The following JAK1 variants were observed in gnomAD, a reference collection of about 807,000 sequenced individuals.
The protein encoded by JAK1 is Janus kinase 1.
A neutral mutation model predicts 136.6 loss-of-function variants in JAK1; 16 were observed. The ratio of observed to expected loss-of-function variants is 0.12; its 90% CI spans 0.08 to 0.18. The LOEUF is 0.18. Among genes scored for constraint, JAK1 ranks in the 10% least tolerant of loss-of-function variants. The probability of loss-of-function intolerance (pLI) is 1.00; values close to 1 mark genes in which losing one functional copy is unlikely to be tolerated. For missense variants in JAK1, 859 were observed against 1,450.1 expected, an observed-to-expected ratio of 0.59 and a Z score of 6.62; for synonymous variants, 492 against 519.5, an observed-to-expected ratio of 0.95 and a Z score of 0.72.
chr1:64,950,158 C>T (rs995728129), intron 1 of JAK1, among the ~76,000 whole-genome samples: 1 of 151,916 alleles, frequency 6.6e-6, no homozygotes, highest in African/African-American at 2.4e-5. Context: ...ACCTGCAATC[C>T]CAGCACTTTG....
chr1:64,922,163 A>C (rs1205666598), intron 1 of JAK1, among the ~76,000 whole-genome samples: 4 of 152,008 alleles, frequency 2.6e-5, no homozygotes, highest in East Asian at 1.9e-4. Context: ...AAAAAACCAC[A>C]ACAACAACAC....
At chr1:64,901,262 T>C (rs895376128) in intron 1 of JAK1, among the ~76,000 whole-genome samples, 1 of 152,202 alleles carries the variant, frequency 6.6e-6, no homozygotes, top group Admixed American at 6.5e-5. Flanking sequence ...ACTCACCTAA[T>C]CCATGCAGAC....
At chr1:65,067,090 C>A (rs922241050) in intron 1 of JAK1, among the ~76,000 whole-genome samples, 1 of 152,138 alleles carries the variant, frequency 6.6e-6, no homozygotes, top group African/African-American at 2.4e-5. Context: ...CTAACAACAA[C>A]AAACCCAGTC....
intron 1 of JAK1, among the ~76,000 whole-genome samples, chr1:64,896,440 T>C (rs1203522759): frequency 6.6e-6 from 1 of 152,122 alleles, no homozygotes; most frequent in Non-Finnish European, 1.5e-5. Flanking sequence ...AATAAAAGCA[T>C]AGAAAAAGAA....
chr1:64,861,039 C>T (rs1656301891), intron 8 of JAK1, among the ~76,000 whole-genome samples: 1 of 151,200 alleles, frequency 6.6e-6, no homozygotes, highest in East Asian at 1.9e-4. Flanking sequence ...GAGAAGCTGT[C>T]CCCTGGGTCC....
chr1:64,848,309 T>C (rs1655371066), intron 12 of JAK1, among the ~76,000 whole-genome samples: 1 of 152,234 alleles, frequency 6.6e-6, no homozygotes. Flanking sequence ...TGAAGCCCTC[T>C]GGCACAGGTA....
At chr1:65,010,607 CTG>C (rs1433986541) in intron 2 of JAK1, among the ~76,000 whole-genome samples, 1 of 152,194 alleles carries the variant, frequency 6.6e-6, no homozygotes, top group Admixed American at 6.5e-5. Context: ...AAAATAATAA[CTG>C]TTCATTGTTG....
chr1:64,871,881 G>T (rs576891830), intron 5 of JAK1, among the ~76,000 whole-genome samples: 2 of 152,310 alleles, frequency 1.3e-5, no homozygotes, highest in Non-Finnish European at 2.9e-5. Flanking sequence ...CGTGTAACAA[G>T]AATCATCGAC....
At chr1:65,002,048 A>AC (rs1478465151) in intron 2 of JAK1, among the ~76,000 whole-genome samples, 1 of 152,046 alleles carries the variant, frequency 6.6e-6, no homozygotes, top group African/African-American at 2.4e-5. Context: ...TCATCTTCCA[A>AC]CTACTCCTTA....
chr1:64,927,925 T>C (rs1338265209), intron 1 of JAK1, among the ~76,000 whole-genome samples: 2 of 152,150 alleles, frequency 1.3e-5, no homozygotes, highest in African/African-American at 4.8e-5. Context: ...AATCTGCCTT[T>C]TACTAGCCAG....
rs1557657909 is a variant in JAK1, at chr1:64,878,569, A to ATG, written c.329+455_329+456insCA. 0.018 allele frequency among the ~76,000 whole-genome samples: 563 copies of ATG among 30,890 alleles called. 23 individuals carry two copies. In the East Asian group the frequency reaches 0.27, roughly 15 times the overall value. 20.3% of individuals were successfully genotyped at this position (30,890 alleles called of 152,430 possible). A position where few individuals can be genotyped will look rare whatever the true frequency, so the allele number is the denominator to read the frequency against. On this transcript the variant is annotated intron_variant, in intron 4 of 24. Transcript: ENST00000342505. ...CTTTATATATATAGTGTGTATATATATATATATATATATATATATATATAT... is the reference window on the plus strand; with the variant it reads ...CTTTATATATATAGTGTGTATATATATGTATATATATATATATATATATATAT...
intron 1 of JAK1, among the ~76,000 whole-genome samples, chr1:64,892,550 G>C (rs934141227): frequency 6.6e-6 from 1 of 152,182 alleles, no homozygotes; most frequent in Admixed American, 6.5e-5. Context: ...CTCCCAAATT[G>C]TTAAGGTTAC....
At position 64,838,723 on chromosome 1, in the gene JAK1, A is replaced by G. The variant is rs1340548765; in HGVS notation, c.2843-134T>C. ...CCCTTCATTACAGGCATGTTACTTG[A>G]CCTCTTATGCCTCAAGATCCTCAGC... is the stretch of plus-strand genomic sequence containing the variant. On this transcript the variant is annotated intron_variant, in intron 20 of 24. Transcript: ENST00000342505. 5 of 760,182 alleles carry G rather than the reference A, an allele frequency of 6.6e-6. No individual in the cohort carries two copies. The East Asian group carries it at 1.3e-4, about 20-fold the overall frequency. The allele number at this position is 760,182 out of a possible 1,614,324, so 47.1% of individuals were successfully genotyped here. A position where few individuals can be genotyped will look rare whatever the true frequency, so the allele number is the denominator to read the frequency against.
intron 1 of JAK1, among the ~76,000 whole-genome samples, chr1:64,962,131 G>C (rs1230587837): frequency 6.6e-6 from 1 of 152,148 alleles, no homozygotes. Context: ...CATGCCCTCA[G>C]GGTCTTCCAC....
intron 1 of JAK1, among the ~76,000 whole-genome samples, chr1:64,897,478 G>A (rs1570728999): frequency 2.5e-4 from 1 of 4,016 alleles, no homozygotes; most frequent in South Asian, 0.022. Flanking sequence ...AGGAGGAGGG[G>A]GGGAGGGGGA....
At chr1:64,865,449 T>C (rs776792865) in intron 7 of JAK1, among the ~76,000 whole-genome samples, 1 of 152,096 alleles carries the variant, frequency 6.6e-6, no homozygotes, top group Non-Finnish European at 1.5e-5. Context: ...AATTTCATGC[T>C]TGAAATAATC....
intron 1 of JAK1, among the ~76,000 whole-genome samples, chr1:64,910,843 C>CAAAAA (rs369528546): frequency 0.098 from 8,670 of 88,720 alleles, 432 homozygotes; most frequent in East Asian, 0.25. Context: ...GACTCTGTCT[C>CAAAAA]AAAAAAAAAA....
intron 2 of JAK1, among the ~76,000 whole-genome samples, chr1:65,043,270 G>A (rs190166866): frequency 1.3e-3 from 202 of 152,258 alleles, no homozygotes; most frequent in Admixed American, 6.9e-3. Context: ...CTAAAGGTGA[G>A]GAGATGGAGT....
chr1:64,915,596 G>A (rs1012417624), intron 1 of JAK1, among the ~76,000 whole-genome samples: 2 of 152,204 alleles, frequency 1.3e-5, no homozygotes, highest in African/African-American at 4.8e-5. Flanking sequence ...GAAACGTTTT[G>A]TATCTGTGCT....
Sources: gnomAD v4.1 joint callset for allele counts (sites outside exome capture counted in the v4.1 genomes callset) on GRCh38, gnomAD v4.1.1 for gene constraint, MANE v1.5 for transcripts, NCBI Gene and HGNC (gene_info 2026-07-23, HGNC 2026-07-21) for gene names.